CCDC28B: variants seen among roughly 807,000 people sequenced by gnomAD.
The protein encoded by CCDC28B is coiled-coil domain containing 28B.
In CCDC28B, 17 loss-of-function variants were observed where a neutral mutation model predicts 18.7. That is an observed-to-expected ratio of 0.91 (90% CI 0.62 to 1.36). CCDC28B has a LOEUF of 1.36. Among genes scored for constraint, CCDC28B ranks in the 40% most tolerant of loss-of-function variants. The pLI is 0.00. For synonymous variants in CCDC28B, 116 were observed against 105.1 expected, an observed-to-expected ratio of 1.10 and a Z score of -0.64; for missense variants, 213 against 251.7, an observed-to-expected ratio of 0.85 and a Z score of 1.04.
rs747073763 is a variant in CCDC28B, at chr1:32,202,128, G to A, written c.164+29G>A. 5 of 1,611,240 alleles carry A rather than the reference G, an allele frequency of 3.1e-6. No individual in the cohort carries two copies. The African/African-American group carries it at 5.3e-5, about 17-fold the overall frequency. On this transcript the variant is annotated intron_variant, in intron 2 of 5. Transcript: ENST00000373602. ...GGTACAGAAGGGAAGGAAAGGAGGA[G>A]GGACCCCAACTCTGGGTTGCACTGT...
chr1:32,198,888 G>C (rs1421387714), upstream of CCDC28B, among the ~76,000 whole-genome samples: 1 of 152,186 alleles, frequency 6.6e-6, no homozygotes, highest in Admixed American at 6.5e-5. Flanking sequence ...AAGGCAAAAG[G>C]CATGGAGCCA....
At chr1:32,203,544 A>G (rs2124189382) in intron 2 of CCDC28B, among the ~76,000 whole-genome samples, 1 of 152,288 alleles carries the variant, frequency 6.6e-6, no homozygotes, top group East Asian at 1.9e-4. Context: ...AGCTGTCTCT[A>G]TATACGCTGA....
upstream of CCDC28B, among the ~76,000 whole-genome samples, chr1:32,199,189 TG>T (rs1643092731): frequency 6.6e-6 from 1 of 152,172 alleles, no homozygotes; most frequent in Non-Finnish European, 1.5e-5. Context: ...TGATATGTGC[TG>T]AATGCCCAGG....
chr1:32,201,882 G>A, intron 1 of CCDC28B, 31 bp from the exon 2 acceptor site: 1 of 1,526,314 alleles, frequency 6.6e-7, no homozygotes, highest in Admixed American at 2.2e-5. Context: ...CTTTGCCCCT[G>A]GCTATCTTTG....
chr1:32,196,271 C>T (rs982567269), upstream of CCDC28B: 1 of 152,552 alleles, frequency 6.6e-6, no homozygotes, highest in Non-Finnish European at 1.5e-5. Flanking sequence ...AGCACTGTCT[C>T]CATGCAGCAG....
At chr1:32,201,262 T>C (rs1360214385) in intron 1 of CCDC28B, among the ~76,000 whole-genome samples, 1 of 151,228 alleles carries the variant, frequency 6.6e-6, no homozygotes, top group Non-Finnish European at 1.5e-5. Flanking sequence ...ACTTTCCGAC[T>C]GGGAAAAATG....
At chr1:32,197,039 G>A (rs1228534690), upstream of CCDC28B, 1 of 152,314 alleles carries the variant, frequency 6.6e-6, no homozygotes, top group Non-Finnish European at 1.5e-5. This position sits in a 1 kb window ranked among gnomAD's most constrained non-coding sequence, Gnocchi z 4.6. Context: ...CCTGTGAAGT[G>A]TTTCCCATGA....
At chr1:32,204,416 A>G (rs763019178) in intron 4 of CCDC28B, 37 bp downstream of exon 4, 1 of 1,541,194 alleles carries the variant, frequency 6.5e-7, no homozygotes, top group Non-Finnish European at 8.7e-7. Flanking sequence ...TCCTGGGGGC[A>G]TGAGGGGTGG....
At chr1:32,203,566 G>A (rs886837004) in intron 2 of CCDC28B, among the ~76,000 whole-genome samples, 5 of 152,150 alleles carry the variant, frequency 3.3e-5, no homozygotes, top group African/African-American at 1.2e-4. Context: ...GACTAGGGAG[G>A]ATAAGTGACT....
Position 32,204,033 on chromosome 1 carries a change from C to A in CCDC28B, c.319C>A (p.Leu107Met). 6.4e-7 allele frequency: 1 copy of A among 1,554,576 alleles called. No homozygotes were observed. Among genetic ancestry groups the A allele is most frequent in the Non-Finnish European group, 8.7e-7 (1 of 1,150,714 alleles). Reference sequence around the variant, plus strand: ...GCTCAATGATTTCCACTCTGGCCGGCTGCAGGCCTTCGGTGAGTCCTGGGG... The same window carrying A: ...GCTCAATGATTTCCACTCTGGCCGGATGCAGGCCTTCGGTGAGTCCTGGGG... ...NLLNDFHSGR[L>M]QAFGKECSFE... The change falls in exon 3 of 6, where the codon CTG becomes ATG. Residue 107 changes from leucine to methionine, a missense_variant. Coordinates refer to ENST00000373602, the MANE Select transcript of CCDC28B (RefSeq NM_024296.5).
chr1:32,196,735 C>G (rs1643034107), upstream of CCDC28B: 1 of 152,256 alleles, frequency 6.6e-6, no homozygotes, highest in East Asian at 1.9e-4. Context: ...GAAGCTAGTT[C>G]ATTGTCCTGC....
At chr1:32,200,168 G>T (rs942320001), upstream of CCDC28B, among the ~76,000 whole-genome samples, 3 of 152,202 alleles carry the variant, frequency 2.0e-5, no homozygotes, top group African/African-American at 7.2e-5. Context: ...GTAGAATGGG[G>T]AATGACACTG....
Position 32,205,014 on chromosome 1 carries a change from C to A in CCDC28B, c.549-180C>A. 1 of 1,183,778 alleles carries A rather than the reference C, an allele frequency of 8.4e-7. No homozygotes were observed. Among genetic ancestry groups the A allele is most frequent in the Middle Eastern group, 2.9e-4 (1 of 3,420 alleles). 73.3% of individuals were successfully genotyped at this position (1,183,778 alleles called of 1,614,324 possible). A position where few individuals can be genotyped will look rare whatever the true frequency, so the allele number is the denominator to read the frequency against. On this transcript the variant is annotated intron_variant, in intron 5 of 5. Transcript: ENST00000373602. The surrounding 1 kb of genome is among the most constrained non-coding windows in gnomAD (Gnocchi z 5.6). ...CCCCAGTGTGTCTGACCTGCACGAT[C>A]TGGATGAAGAGAGAGGGGGTGAGAG...
At chr1:32,200,888 G>T (rs114234120) in intron 1 of CCDC28B, among the ~76,000 whole-genome samples, 179 bp downstream of exon 1, 2,645 of 152,278 alleles carry the variant, frequency 0.017, 88 homozygotes, top group African/African-American at 0.06. Context: ...TCCGGCTCCA[G>T]TTCTTCTATC....
Position 32,205,109 on chromosome 1 carries a change from G to A in CCDC28B, c.549-85G>A. On this transcript the variant is annotated intron_variant, in intron 5 of 5. Coordinates refer to ENST00000373602, the MANE Select transcript of CCDC28B (RefSeq NM_024296.5). The surrounding 1 kb of genome is among the most constrained non-coding windows in gnomAD (Gnocchi z 5.6). Reference sequence around the variant, plus strand: ...CCCTCGTCCCCGGCCCTTTGCACAGGTGAGGGAACTAAACCTGTGCAAGAT... The same window carrying A: ...CCCTCGTCCCCGGCCCTTTGCACAGATGAGGGAACTAAACCTGTGCAAGAT... The A allele has an allele frequency of 1.9e-6, 3 of 1,543,722 alleles. No individual in the cohort carries two copies. Among genetic ancestry groups the A allele is most frequent in the Non-Finnish European group, 2.7e-6 (3 of 1,127,334 alleles).
intron 2 of CCDC28B, chr1:32,202,427 A>G (rs999426612): frequency 9.8e-5 from 45 of 460,492 alleles, no homozygotes; most frequent in African/African-American, 8.5e-4. Flanking sequence ...GGTTTCAGGA[A>G]CCACAGGTGG....
chr1:32,200,826 G>C (rs1643131140), intron 1 of CCDC28B, 117 bp downstream of exon 1: 1 of 152,188 alleles, frequency 6.6e-6, no homozygotes, highest in Non-Finnish European at 1.5e-5. Context: ...TTGGAGCCCG[G>C]GCTTGGGAAA....
intron 1 of CCDC28B, 88 bp from the exon 2 acceptor site, chr1:32,201,825 G>A (rs1039326751): frequency 5.2e-5 from 59 of 1,131,146 alleles, no homozygotes; most frequent in South Asian, 1.2e-4. Flanking sequence ...AAGGTCCCAG[G>A]GCCCTTCCTT....
chr1:32,200,142 CTG>C (rs985774344), upstream of CCDC28B, among the ~76,000 whole-genome samples: 1 of 152,190 alleles, frequency 6.6e-6, no homozygotes, highest in Non-Finnish European at 1.5e-5. Flanking sequence ...CCTCAAAAGA[CTG>C]TTGCTTACTT....
Sources: allele counts gnomAD v4.1 joint callset (sites outside exome capture counted in the v4.1 genomes callset), GRCh38; gene constraint gnomAD v4.1.1; non-coding constraint Gnocchi (gnomAD v3.1); transcripts MANE v1.5; gene names NCBI Gene and HGNC (gene_info 2026-07-23, HGNC 2026-07-21).